The following NFIB variants were observed in gnomAD, a reference collection of about 807,000 sequenced individuals.
The protein encoded by NFIB is nuclear factor I B.
A neutral mutation model predicts 61.5 loss-of-function variants in NFIB; 11 were observed. The observed-to-expected ratio is 0.18, with a 90% CI of 0.11 to 0.30. The LOEUF is 0.30. NFIB is among the 10% of genes least tolerant of loss of function. The pLI, the probability that NFIB is intolerant of heterozygous loss-of-function variation, is 1.00. For synonymous variants in NFIB, 260 were observed against 216.5 expected (o/e 1.20, Z -1.76); for missense variants, 471 against 608.9 (o/e 0.77, Z 2.38).
chr9:14,323,645 C>T (rs896928217), intron 1 of NFIB, among the ~76,000 whole-genome samples: 10 of 152,164 alleles, frequency 6.6e-5, no homozygotes, highest in African/African-American at 2.4e-4. Flanking sequence ...ACCAGTGAGA[C>T]TAGAATAGCT....
the NFIB span, among the ~76,000 whole-genome samples, chr9:14,426,102 T>C: frequency 6.6e-6 from 1 of 152,102 alleles, no homozygotes; most frequent in Non-Finnish European, 1.5e-5. Flanking sequence ...AATGGAAGAG[T>C]GGTCCTGCCA....
chr9:14,504,194 T>C, the NFIB span, among the ~76,000 whole-genome samples: 1 of 152,242 alleles, frequency 6.6e-6, no homozygotes, highest in Non-Finnish European at 1.5e-5. Context: ...ATGTGCCTAT[T>C]TTTACACCAG....
At chr9:14,314,880 G>A (rs1054814303), upstream of NFIB, among the ~76,000 whole-genome samples, 4 of 151,608 alleles carry the variant, frequency 2.6e-5, no homozygotes, top group South Asian at 2.1e-4. Context: ...CGCCCTGGAA[G>A]AGGTATTTCG....
At chr9:14,514,319 T>TACACACACACACACACACAC in the NFIB span, among the ~76,000 whole-genome samples, 3 of 52,672 alleles carry the variant, frequency 5.7e-5, no homozygotes, top group African/African-American at 1.9e-4. Context: ...TACACATACA[T>TACACACACACACACACACAC]ACATACATAC....
the NFIB span, among the ~76,000 whole-genome samples, chr9:14,441,639 C>T: frequency 6.6e-6 from 1 of 151,802 alleles, no homozygotes; most frequent in Admixed American, 6.6e-5. Context: ...CAGTCTCAAC[C>T]CTTATTACTA....
chr9:14,197,832 T>A (rs1209898236), intron 2 of NFIB, among the ~76,000 whole-genome samples: 1 of 152,166 alleles, frequency 6.6e-6, no homozygotes, highest in East Asian at 1.9e-4. Flanking sequence ...TGGTCCTCAC[T>A]CTACGAATGC....
rs1251060062 is a variant in NFIB, at chr9:14,255,010, A to G, written c.562+51979T>C. Among the ~76,000 whole-genome samples, 3 of 152,226 alleles carry G rather than the reference A, an allele frequency of 2.0e-5. No individual in the cohort carries two copies. In the East Asian group the frequency reaches 5.8e-4, roughly 29 times the overall value. Reference sequence around the variant, plus strand: ...GCTAAGTCAGGAAGATCACTTGAGGATGGGAATTCACCACCAGCCTGGGCA... The same window carrying G: ...GCTAAGTCAGGAAGATCACTTGAGGGTGGGAATTCACCACCAGCCTGGGCA... On this transcript the variant is annotated intron_variant, in intron 2 of 10. Transcript: ENST00000380953.
chr9:14,439,622 A>G, the NFIB span, among the ~76,000 whole-genome samples: 10 of 152,030 alleles, frequency 6.6e-5, no homozygotes, highest in African/African-American at 2.4e-4. Context: ...GTGCCAGGAG[A>G]GCTGGCACAT....
At chr9:14,422,042 A>G in the NFIB span, among the ~76,000 whole-genome samples, 1 of 152,224 alleles carries the variant, frequency 6.6e-6, no homozygotes, top group African/African-American at 2.4e-5. Flanking sequence ...AGTACAGAAA[A>G]AGTAATTATA....
chr9:14,508,537 G>A, the NFIB span, among the ~76,000 whole-genome samples: 1 of 152,178 alleles, frequency 6.6e-6, no homozygotes, highest in African/African-American at 2.4e-5. Context: ...TCTCTTAGAG[G>A]GCGAGAATTA....
intron 1 of NFIB, among the ~76,000 whole-genome samples, chr9:14,358,816 C>A (rs754039707): frequency 3.9e-5 from 6 of 152,190 alleles, no homozygotes; most frequent in Non-Finnish European, 5.9e-5. Flanking sequence ...TCAGAAATTT[C>A]ATGTGCCAGT....
the NFIB span, among the ~76,000 whole-genome samples, chr9:14,440,598 A>C: frequency 6.6e-6 from 1 of 152,214 alleles, no homozygotes; most frequent in Non-Finnish European, 1.5e-5. Context: ...TCAGAAAGAG[A>C]CTGCTGTCCA....
At chr9:14,407,652 G>A in the NFIB span, among the ~76,000 whole-genome samples, 1 of 152,252 alleles carries the variant, frequency 6.6e-6, no homozygotes, top group East Asian at 1.9e-4. Context: ...GAGAAGGCCT[G>A]TGGTGTAAGT....
intron 1 of NFIB, among the ~76,000 whole-genome samples, chr9:14,374,297 A>G (rs1261817293): frequency 2.0e-5 from 3 of 152,148 alleles, no homozygotes; most frequent in African/African-American, 7.2e-5. Context: ...GTTTCAAAGG[A>G]TATCTATAAC....
intron 2 of NFIB, among the ~76,000 whole-genome samples, chr9:14,215,249 C>T (rs1392585476): frequency 6.7e-6 from 1 of 149,194 alleles, no homozygotes; most frequent in Non-Finnish European, 1.5e-5. Context: ...CATATTGGAA[C>T]CGAAGAAAAA....
At chr9:14,211,487 A>T (rs12001507) in intron 2 of NFIB, among the ~76,000 whole-genome samples, 15,638 of 152,270 alleles carry the variant, frequency 0.1, 2,497 homozygotes, top group African/African-American at 0.34. Context: ...GTGCTGAAAA[A>T]TAATGAGAAT....
the NFIB span, among the ~76,000 whole-genome samples, chr9:14,466,268 A>C: frequency 1.3e-4 from 20 of 152,314 alleles, no homozygotes; most frequent in Admixed American, 1.2e-3. Flanking sequence ...ATTTGTCATA[A>C]AACCCTGAAG....
chr9:14,208,516 T>C (rs2049983956), intron 2 of NFIB, among the ~76,000 whole-genome samples: 1 of 151,934 alleles, frequency 6.6e-6, no homozygotes, highest in South Asian at 2.1e-4. Context: ...TTTACTACTT[T>C]GAAGTTGTAA....
At chr9:14,482,251 C>T in the NFIB span, among the ~76,000 whole-genome samples, 102 of 152,306 alleles carry the variant, frequency 6.7e-4, no homozygotes, top group African/African-American at 2.3e-3. Context: ...TTTTTCTCCT[C>T]TCAAACAAAT....
Sources: gnomAD v4.1 joint callset for allele counts (sites outside exome capture counted in the v4.1 genomes callset) on GRCh38, gnomAD v4.1.1 for gene constraint, MANE v1.5 for transcripts, NCBI Gene and HGNC (gene_info 2026-07-23, HGNC 2026-07-21) for gene names.